CAMK2D: variants seen among roughly 807,000 people sequenced by gnomAD.
The protein encoded by CAMK2D is calcium/calmodulin-dependent protein kinase type II subunit delta.
CAMK2D carries 37 observed loss-of-function variants against 84.0 expected under a neutral mutation model. That is an observed-to-expected ratio of 0.44 (90% confidence interval 0.34 to 0.58). The LOEUF is 0.58. CAMK2D is among the 20% of genes least tolerant of loss of function. The probability of loss-of-function intolerance (pLI) is 0.02; values close to 1 mark genes in which losing one functional copy is unlikely to be tolerated. For synonymous variants in CAMK2D, 202 were observed against 212.5 expected (o/e 0.95, Z 0.43); for missense variants, 448 against 652.5 (o/e 0.69, Z 3.41).
intron 2 of CAMK2D, among the ~76,000 whole-genome samples, chr4:113,717,596 C>T (rs1469966794): frequency 2.0e-5 from 3 of 151,818 alleles, no homozygotes; most frequent in Non-Finnish European, 4.4e-5. Flanking sequence ...AGGCAAATAC[C>T]TTTTTGTGAA....
chr4:113,466,287 T>TAAATATAAA (rs1232641215), intron 16 of CAMK2D, among the ~76,000 whole-genome samples: 5 of 149,196 alleles, frequency 3.4e-5, no homozygotes, highest in African/African-American at 1.2e-4. Flanking sequence ...AATAAATAAA[T>TAAATATAAA]ATAAAATAAA....
At chr4:113,626,152 G>T (rs1376138768) in intron 3 of CAMK2D, among the ~76,000 whole-genome samples, 1 of 152,172 alleles carries the variant, frequency 6.6e-6, no homozygotes, top group African/African-American at 2.4e-5. Flanking sequence ...GATGTGAGAG[G>T]AGAGGAGTAA....
intron 4 of CAMK2D, among the ~76,000 whole-genome samples, chr4:113,596,920 C>A (rs1308072035): frequency 6.6e-6 from 1 of 151,606 alleles, no homozygotes; most frequent in African/African-American, 2.4e-5. Context: ...CCCGGGTTCA[C>A]GCCATTCTCC....
Position 113,500,466 on chromosome 4 carries a change from T to C in CAMK2D, c.1132A>G (p.Lys378Glu). ...SNTTIEDEDVKARKQEIIKVT... is the reference protein window; with the variant it reads ...SNTTIEDEDVEARKQEIIKVT... The stretch of plus-strand genomic sequence containing the variant: ...TCCATTTCTGGTTAAATCATACCTT[T>C]CACATCTTCATCCTCAATTGTTGTA... The change falls in exon 16 of 21, where the codon AAA (lysine) becomes GAA (glutamate). Residue 378 changes from lysine (K) to glutamate (E), a missense_variant. By Grantham distance (56) the Lys-to-Glu change is moderately conservative (BLOSUM62 1). Around this residue, in one of 7 missense-constraint regions of CAMK2D, gnomAD observed 219 missense variants for 272.1 expected, o/e 0.80. Transcript: ENST00000511664. 1 of 1,588,144 alleles carries C rather than the reference T, an allele frequency of 6.3e-7. No homozygotes were observed. Among genetic ancestry groups the C allele is most frequent in the Non-Finnish European group, 8.6e-7 (1 of 1,159,264 alleles).
intron 2 of CAMK2D, among the ~76,000 whole-genome samples, chr4:113,726,717 C>T (rs1317506179): frequency 1.3e-5 from 2 of 151,860 alleles, no homozygotes; most frequent in African/African-American, 2.4e-5. Flanking sequence ...CGACTGCTTG[C>T]TTTTTATGTG....
At chr4:113,654,422 T>C (rs1226562542) in intron 3 of CAMK2D, among the ~76,000 whole-genome samples, 3 of 152,052 alleles carry the variant, frequency 2.0e-5, no homozygotes, top group Non-Finnish European at 4.4e-5. Context: ...AGCATCTTTC[T>C]TAAACACACT....
intron 2 of CAMK2D, among the ~76,000 whole-genome samples, chr4:113,696,417 A>G (rs1358489283): frequency 6.6e-6 from 1 of 152,096 alleles, no homozygotes; most frequent in Non-Finnish European, 1.5e-5. Flanking sequence ...ATAACAATCA[A>G]TAATTATTTT....
In CAMK2D at chr4:113,579,811, T is replaced by C. The variant is rs569185444; in HGVS notation, c.276-27715A>G. On this transcript the variant is annotated intron_variant, in intron 4 of 20. Transcript: ENST00000511664. ...GCATGCTTGAAAGAGCCTGACATTT[T>C]AAAACAGAGAACTTTATTAAAAACC... Among the ~76,000 whole-genome samples, 11 of 152,358 alleles carry C rather than the reference T, an allele frequency of 7.2e-5. No homozygotes were observed. In the South Asian group the frequency reaches 2.3e-3, roughly 32 times the overall value.
chr4:113,564,834 G>T (rs148477861), intron 4 of CAMK2D, among the ~76,000 whole-genome samples: 20 of 152,238 alleles, frequency 1.3e-4, no homozygotes, highest in African/African-American at 4.6e-4. Context: ...TATATACCAA[G>T]TGTCCATGTA....
chr4:113,569,900 T>A (rs1561042745), intron 4 of CAMK2D, among the ~76,000 whole-genome samples: 1 of 152,116 alleles, frequency 6.6e-6, no homozygotes, highest in Admixed American at 6.5e-5. Flanking sequence ...ATAATCGAGA[T>A]GATTAAGAAT....
chr4:113,754,681 CTT>C lies in CAMK2D; in HGVS notation c.160+4637_160+4638del, dbSNP rs201377983. Reference sequence around the variant, plus strand: ...ATTATTTCCTGGAAGTGTGGATATACTTTTTTTTTTTATTATTTGTGTCTCCT... The same window carrying C: ...ATTATTTCCTGGAAGTGTGGATATACTTTTTTTTTATTATTTGTGTCTCCT... On this transcript the variant is annotated intron_variant, in intron 2 of 20. Coordinates refer to ENST00000511664, the MANE Select transcript of CAMK2D (RefSeq NM_001321571.2). 5.0e-3 allele frequency: 4,060 copies of C among 809,524 alleles called. 130 individuals carry two copies. In the African/African-American group the frequency reaches 0.07, roughly 14 times the overall value. The allele number at this position is 809,524 out of a possible 1,614,324, so 50.1% of individuals were successfully genotyped here.
chr4:113,649,455 CT>C (rs1403350308), intron 3 of CAMK2D, among the ~76,000 whole-genome samples: 1 of 152,090 alleles, frequency 6.6e-6, no homozygotes, highest in Non-Finnish European at 1.5e-5. Flanking sequence ...GCGACAAAGA[CT>C]TTTAACTCTA....
chr4:113,464,829 G>A (rs968400899), intron 17 of CAMK2D, among the ~76,000 whole-genome samples: 1 of 152,066 alleles, frequency 6.6e-6, no homozygotes, highest in Non-Finnish European at 1.5e-5. Context: ...GAACTGCAAG[G>A]GAAAACATTT....
At chr4:113,610,525 CTG>C (rs1342106812) in intron 3 of CAMK2D, among the ~76,000 whole-genome samples, 3 of 152,208 alleles carry the variant, frequency 2.0e-5, no homozygotes, top group Non-Finnish European at 2.9e-5. Flanking sequence ...AACATAATCT[CTG>C]TGCTTTATCA....
chr4:113,601,498 T>C (rs907720522), intron 4 of CAMK2D, among the ~76,000 whole-genome samples: 14 of 152,010 alleles, frequency 9.2e-5, no homozygotes, highest in Admixed American at 6.5e-4. Context: ...ACATGAGACA[T>C]ACTAAAATTC....
intron 2 of CAMK2D, among the ~76,000 whole-genome samples, chr4:113,724,514 T>C (rs1163170712): frequency 1.3e-5 from 2 of 151,818 alleles, no homozygotes; most frequent in African/African-American, 4.8e-5. Context: ...ACCGAGCATT[T>C]ACTGCCAGCC....
Position 113,551,067 on chromosome 4 carries a change from G to C in CAMK2D, c.341+964C>G, listed in dbSNP as rs372405280. Among the ~76,000 whole-genome samples the C allele has an allele frequency of 5.3e-5, 8 of 152,244 alleles. No homozygotes were observed. The East Asian group carries it at 7.7e-4, about 15-fold the overall frequency. On this transcript the variant is annotated intron_variant, in intron 5 of 20. Transcript: ENST00000511664. ...GCTCTGATGGCATTGGAGAATGGGA[G>C]CAGAGTCAATCTCTGCTCCCAAACA...
intron 4 of CAMK2D, among the ~76,000 whole-genome samples, chr4:113,605,540 T>G (rs2154263791): frequency 6.6e-6 from 1 of 152,338 alleles, no homozygotes; most frequent in South Asian, 2.1e-4. Context: ...AAAGTGTTTT[T>G]TATTCCACCA....
chr4:113,709,000 G>C (rs189176934), intron 2 of CAMK2D, among the ~76,000 whole-genome samples: 13 of 152,204 alleles, frequency 8.5e-5, no homozygotes, highest in African/African-American at 2.9e-4. Context: ...GGGATTACAG[G>C]TGTGAACCAC....
Sources: allele counts gnomAD v4.1 joint callset (sites outside exome capture counted in the v4.1 genomes callset), GRCh38; gene constraint gnomAD v4.1.1; regional missense constraint gnomAD v4.1.1; transcripts MANE v1.5; gene names NCBI Gene and HGNC (gene_info 2026-07-23, HGNC 2026-07-21).